Variants in ATP10D observed in about 807,000 individuals in gnomAD.
ATP10D encodes ATPase phospholipid transporting 10D (putative), also known as phospholipid-transporting ATPase VD.
A neutral mutation model predicts 144.8 loss-of-function variants in ATP10D; 89 were observed. The observed-to-expected ratio is 0.61, with a 90% CI of 0.52 to 0.73. The LOEUF (loss-of-function observed/expected upper bound fraction) is 0.73. Among genes scored for constraint, ATP10D ranks in the 30% least tolerant of loss-of-function variants. ATP10D has a pLI of 0.00. For missense variants in ATP10D, 1,603 were observed against 1,714.8 expected (o/e 0.93, Z 1.15); for synonymous variants, 571 against 615.1 (o/e 0.93, Z 1.06).
In ATP10D at chr4:47,587,158, T is replaced by C; in HGVS notation, c.3893T>C (p.Val1298Ala). 6.2e-7 allele frequency: 1 copy of C among 1,614,104 alleles called. No homozygotes were observed. Among genetic ancestry groups the C allele is most frequent in the East Asian group, 2.2e-5 (1 of 44,876 alleles). Residue 1298 changes from valine to alanine, a missense_variant, in exon 22 of 23, where the codon GTA (valine) becomes GCA (alanine). Val to Ala is a moderately conservative substitution (Grantham distance 64). Transcript: ENST00000273859. ...ATGCAGGAGCACATGCTGGATCCAGTATTCTACTTAGTTTGTATCCTCACG... is the reference window on the plus strand; with the variant it reads ...ATGCAGGAGCACATGCTGGATCCAGCATTCTACTTAGTTTGTATCCTCACG... ...WIMQEHMLDP[V>A]FYLVCILTTS...
intron 1 of ATP10D, among the ~76,000 whole-genome samples, chr4:47,498,318 G>A (rs1044654038): frequency 1.3e-5 from 2 of 152,154 alleles, no homozygotes; most frequent in Non-Finnish European, 2.9e-5. Context: ...ATTGTCCTGT[G>A]TATTGCTGCA....
At chr4:47,531,227 C>T in intron 5 of ATP10D, among the ~76,000 whole-genome samples, 1 of 152,092 alleles carries the variant, frequency 6.6e-6, no homozygotes, top group Non-Finnish European at 1.5e-5. Flanking sequence ...CTGTAAGTAG[C>T]ACTGGATACA....
chr4:47,485,336 C>T lies in ATP10D; in HGVS notation c.-221C>T, dbSNP rs1220696697. On this transcript the variant is annotated 5_prime_UTR_variant, in exon 1 of 23. Coordinates refer to ENST00000273859, the MANE Select transcript of ATP10D (RefSeq NM_020453.4). ...AAGTAGGTTGCGAGCTCAGCACAGG[C>T]TCCGGCGCTGGCTCCCGCAGCTGAG... The T allele has an allele frequency of 6.6e-6, 1 of 151,246 alleles. No homozygotes were observed. Among genetic ancestry groups the T allele is most frequent in the Admixed American group, 6.6e-5 (1 of 15,184 alleles). 9.4% of individuals were successfully genotyped at this position (151,246 alleles called of 1,614,324 possible). A position where few individuals can be genotyped will look rare whatever the true frequency, so the allele number is the denominator to read the frequency against.
Position 47,591,500 on chromosome 4 carries a change from T to C in ATP10D, c.*119T>C, listed in dbSNP as rs1721047584. On this transcript the variant is annotated 3_prime_UTR_variant, in exon 23 of 23. Coordinates refer to ENST00000273859, the MANE Select transcript of ATP10D (RefSeq NM_020453.4). ...AGGGACATGAGCATTTTACTAGGCT[T>C]GGAAGAGCTGACATGATGAGCATTA... The C allele has an allele frequency of 3.8e-6, 3 of 790,082 alleles. No homozygotes were observed. The highest frequency in any genetic ancestry group is 4.0e-6 in the Non-Finnish European group (2 of 505,390). 48.9% of individuals were successfully genotyped at this position (790,082 alleles called of 1,614,324 possible).
At chr4:47,513,230 C>A (rs1161351902) in intron 2 of ATP10D, among the ~76,000 whole-genome samples, 1 of 152,124 alleles carries the variant, frequency 6.6e-6, no homozygotes, top group Non-Finnish European at 1.5e-5. Flanking sequence ...GGAAATAGAG[C>A]TCTGAAGCCA....
intron 5 of ATP10D, among the ~76,000 whole-genome samples, chr4:47,527,806 A>G (rs1026808060): frequency 3.3e-5 from 5 of 152,182 alleles, no homozygotes; most frequent in Admixed American, 2.6e-4. Context: ...AAAATAGTAC[A>G]ACCACTTTGG....
At position 47,591,062 on chromosome 4, in the gene ATP10D, A is replaced by C; in HGVS notation, c.3962A>C (p.Gln1321Pro). 6.2e-7 allele frequency: 1 copy of C among 1,608,586 alleles called. No individual in the cohort carries two copies. The highest frequency in any genetic ancestry group is 8.5e-7 in the Non-Finnish European group (1 of 1,177,314). Residue 1321 changes from glutamine to proline, a missense_variant, in exon 23 of 23, where the codon CAG becomes CCG. Transcript: ENST00000273859. The stretch of plus-strand genomic sequence containing the variant: ...CCTAGGTTTGTATACAGAGTTCTTC[A>C]GGGATCCCTGTTTCCATCTCCAATT... ...LLPRFVYRVLQGSLFPSPILR... is the reference protein window; with the variant it reads ...LLPRFVYRVLPGSLFPSPILR...
At chr4:47,564,547 TG>T (rs1421288414) in intron 15 of ATP10D, among the ~76,000 whole-genome samples, 1 of 152,130 alleles carries the variant, frequency 6.6e-6, no homozygotes, top group Non-Finnish European at 1.5e-5. Flanking sequence ...CGTGCCCTCT[TG>T]TGGTAATTCC....
In ATP10D at chr4:47,536,937, T is replaced by C. The variant is rs1214484897; in HGVS notation, c.1395T>C (p.Asn465=). ...VAGFDYCHEE[N]ARRLESYQEA... is the part of the protein sequence containing the mutation. ...GATTTGATTACTGCCATGAAGAAAA[T>C]GGTGAGTGTTGGATTTCCGTGAAAA... Residue 465 remains asparagine, a splice_region_variant and synonymous_variant, in exon 9 of 23, where the codon AAT becomes AAC. Transcript: ENST00000273859. The C allele has an allele frequency of 6.2e-7, 1 of 1,604,160 alleles. No homozygotes were observed. The highest frequency in any genetic ancestry group is 8.5e-7 in the Non-Finnish European group (1 of 1,176,058).
chr4:47,492,745 A>T (rs1715147938), intron 1 of ATP10D, among the ~76,000 whole-genome samples: 1 of 152,164 alleles, frequency 6.6e-6, no homozygotes. Flanking sequence ...TTCGAAATTA[A>T]TTAAATCTTT....
At chr4:47,550,250 T>A (rs1309332317) in intron 10 of ATP10D, among the ~76,000 whole-genome samples, 1 of 152,192 alleles carries the variant, frequency 6.6e-6, no homozygotes, top group Non-Finnish European at 1.5e-5. Flanking sequence ...TATAGTGGGC[T>A]GCTGCTTCTC....
chr4:47,561,106 G>A, intron 14 of ATP10D, 31 bp downstream of exon 14: 1 of 1,612,540 alleles, frequency 6.2e-7, no homozygotes, highest in Non-Finnish European at 8.5e-7. Context: ...TTGCCTGAAT[G>A]GAGGATTTTG....
At chr4:47,490,561 T>G (rs1715015991) in intron 1 of ATP10D, among the ~76,000 whole-genome samples, 1 of 152,230 alleles carries the variant, frequency 6.6e-6, no homozygotes, top group Admixed American at 6.5e-5. Context: ...TCACATCTTC[T>G]TTGCCTGCTT....
intron 1 of ATP10D, among the ~76,000 whole-genome samples, chr4:47,503,722 C>A (rs1380248301): frequency 6.6e-6 from 1 of 151,784 alleles, no homozygotes; most frequent in Non-Finnish European, 1.5e-5. Flanking sequence ...TATAGAAAGA[C>A]CCTGTCTCTA....
At chr4:47,540,230 T>C (rs951803754) in intron 9 of ATP10D, among the ~76,000 whole-genome samples, 1 of 152,248 alleles carries the variant, frequency 6.6e-6, no homozygotes, top group African/African-American at 2.4e-5. Context: ...TTTAGGGTTT[T>C]CTGCAAAAGT....
At position 47,591,941 on chromosome 4, in the gene ATP10D, C is replaced by T. The variant is rs200213640; in HGVS notation, c.*560C>T. 6.6e-6 allele frequency: 1 copy of T among 152,014 alleles called. No individual in the cohort carries two copies. The highest frequency in any genetic ancestry group is 1.9e-4 in the East Asian group (1 of 5,186). The allele number at this position is 152,014 out of a possible 1,614,324, so 9.4% of individuals were successfully genotyped here. ...AAATACAGTTAGTGCCTATTAATAG[C>T]TTTTTATTTCCTATGGGAAGATGCT... On this transcript the variant is annotated 3_prime_UTR_variant, in exon 23 of 23. Coordinates refer to ENST00000273859, the MANE Select transcript of ATP10D (RefSeq NM_020453.4).
intron 9 of ATP10D, among the ~76,000 whole-genome samples, chr4:47,538,395 T>C (rs1251902837): frequency 1.3e-5 from 2 of 152,216 alleles, no homozygotes; most frequent in Non-Finnish European, 2.9e-5. Context: ...AGTTCTTAAA[T>C]ACTTAGGATA....
At chr4:47,503,175 C>T (rs1239607402) in intron 1 of ATP10D, among the ~76,000 whole-genome samples, 1 of 152,108 alleles carries the variant, frequency 6.6e-6, no homozygotes, top group Non-Finnish European at 1.5e-5. Context: ...GCACTCCAGC[C>T]TGGGTGACAG....
At chr4:47,558,458 G>A (rs1483145079) in intron 12 of ATP10D, among the ~76,000 whole-genome samples, 185 bp downstream of exon 12, 1 of 152,194 alleles carries the variant, frequency 6.6e-6, no homozygotes, top group Non-Finnish European at 1.5e-5. Flanking sequence ...CCAGATCTGA[G>A]TTCAAATGTG....
Sources: allele counts gnomAD v4.1 joint callset (sites outside exome capture counted in the v4.1 genomes callset), GRCh38; gene constraint gnomAD v4.1.1; transcripts MANE v1.5; gene names NCBI Gene and HGNC (gene_info 2026-07-23, HGNC 2026-07-21).